RNF115: variants seen among roughly 807,000 people sequenced by gnomAD.
RNF115 encodes ring finger protein 115, also known as E3 ubiquitin-protein ligase RNF115.
Under a neutral mutation model 39.2 loss-of-function variants are expected in RNF115, and 31 were observed. The observed-to-expected ratio is 0.79, with a 90% CI of 0.59 to 1.07. RNF115 has a LOEUF of 1.07. Among genes scored for constraint, RNF115 ranks in the 50% least tolerant of loss-of-function variants. The pLI is 0.00. For synonymous variants in RNF115, 124 were observed against 131.0 expected (o/e 0.95, Z 0.37); for missense variants, 384 against 381.7 (o/e 1.01, Z -0.05).
intron 4 of RNF115, among the ~76,000 whole-genome samples, chr1:145,757,187 T>C (rs1553713295): frequency 6.6e-6 from 1 of 152,154 alleles, no homozygotes; most frequent in Non-Finnish European, 1.5e-5. Context: ...CCCTTCCTGA[T>C]CCAGTGTGAT....
chr1:145,782,796 C>T lies in RNF115; in HGVS notation c.219+1743G>A, dbSNP rs1328120778. ...TGACAATCTGTGTTATCACAAATAG[C>T]ACACACAAGAGGAAAGAATACTGAA... is the stretch of plus-strand genomic sequence containing the variant. On this transcript the variant is annotated intron_variant, in intron 3 of 8. Transcript: ENST00000582693. 2.0e-5 allele frequency among the ~76,000 whole-genome samples: 3 copies of T among 152,208 alleles called. No individual in the cohort carries two copies. In the South Asian group the frequency reaches 6.2e-4, roughly 31 times the overall value.
intron 5 of RNF115, among the ~76,000 whole-genome samples, 163 bp from the exon 6 acceptor site, chr1:145,751,673 C>T (rs587594064): frequency 2.0e-5 from 3 of 152,328 alleles, no homozygotes; most frequent in East Asian, 1.9e-4. Context: ...CAAGATCAAA[C>T]AGACTATCCA....
chr1:145,753,132 T>A lies in RNF115; in HGVS notation c.429-83A>T, dbSNP rs186274722. The A allele has an allele frequency of 1.0e-4, 93 of 904,384 alleles. No homozygotes were observed. In the Admixed American group the frequency reaches 1.6e-3, roughly 16 times the overall value. 56.0% of individuals were successfully genotyped at this position (904,384 alleles called of 1,614,324 possible). A position where few individuals can be genotyped will look rare whatever the true frequency, so the allele number is the denominator to read the frequency against. On this transcript the variant is annotated intron_variant, in intron 4 of 8. Coordinates refer to ENST00000582693, the MANE Select transcript of RNF115 (RefSeq NM_014455.4). ...TATCCATGGCTGCCTAATCACCAAC[T>A]AATTCCCTAAACCAAAATGGCTTTT...
chr1:145,782,884 T>C (rs1340926620), intron 3 of RNF115, among the ~76,000 whole-genome samples: 1 of 152,206 alleles, frequency 6.6e-6, no homozygotes, highest in African/African-American at 2.4e-5. Context: ...TTTTTTGAGA[T>C]GGAGTCTCGC....
At chr1:145,799,390 A>G (rs1649126776) in intron 1 of RNF115, among the ~76,000 whole-genome samples, 8 of 152,078 alleles carry the variant, frequency 5.3e-5, no homozygotes, top group Admixed American at 5.2e-4. Context: ...AAATAAGATC[A>G]TATCATCTGT....
chr1:145,748,101 A>G lies in RNF115; in HGVS notation c.677T>C (p.Leu226Ser), dbSNP rs1553712021. 3 of 1,611,134 alleles carry G rather than the reference A, an allele frequency of 1.9e-6. No homozygotes were observed. The highest frequency in any genetic ancestry group is 1.3e-5 in the African/African-American group (1 of 74,982). The change falls in exon 8 of 9, where the codon TTA becomes TCA. Residue 226 changes from leucine to serine, a missense_variant. Transcript: ENST00000582693. ...ATCTTCTTTGCATACTGGACACTCT[A>G]AACCCATATCTGTTGAAGAAGGAAA... The part of the protein sequence containing the change: ...TVTQEQVDMG[L>S]ECPVCKEDYT...
intron 4 of RNF115, among the ~76,000 whole-genome samples, chr1:145,761,622 G>A (rs181488985): frequency 6.8e-4 from 104 of 152,362 alleles, no homozygotes; most frequent in African/African-American, 2.4e-3. Flanking sequence ...GGAAACACCC[G>A]GATGCCCAGG....
chr1:145,795,546 T>G (rs1648938619), intron 1 of RNF115, among the ~76,000 whole-genome samples: 1 of 152,224 alleles, frequency 6.6e-6, no homozygotes, highest in East Asian at 1.9e-4. Context: ...GGGCACTGAT[T>G]GGCGCATTTA....
intron 1 of RNF115, among the ~76,000 whole-genome samples, chr1:145,789,574 T>A (rs1246751188): frequency 6.6e-6 from 1 of 150,772 alleles, no homozygotes; most frequent in East Asian, 2.0e-4. Flanking sequence ...AATTTTGTAT[T>A]TTTAGGAGAG....
chr1:145,815,829 T>TA (rs1649967289), intron 1 of RNF115, among the ~76,000 whole-genome samples: 1 of 144,934 alleles, frequency 6.9e-6, no homozygotes, highest in African/African-American at 2.5e-5. Flanking sequence ...TCTCTGATTT[T>TA]AAAATCCAAG....
chr1:145,787,238 CAA>C (rs782386379), intron 2 of RNF115, among the ~76,000 whole-genome samples: 3 of 152,134 alleles, frequency 2.0e-5, no homozygotes, highest in Non-Finnish European at 4.4e-5. Context: ...TTTGTTTAGC[CAA>C]AAGAGGCCAT....
At chr1:145,761,621 C>T (rs184444907) in intron 4 of RNF115, among the ~76,000 whole-genome samples, 6 of 152,368 alleles carry the variant, frequency 3.9e-5, no homozygotes, top group Admixed American at 2.6e-4. Flanking sequence ...TGGAAACACC[C>T]GGATGCCCAG....
intron 1 of RNF115, among the ~76,000 whole-genome samples, chr1:145,806,339 C>T (rs1649462891): frequency 6.6e-6 from 1 of 151,796 alleles, no homozygotes; most frequent in Non-Finnish European, 1.5e-5. Context: ...CAGAGGAAGA[C>T]TCCATCTCAA....
rs1657608413 is a variant in RNF115, at chr1:145,738,993, CAG to C, written c.*7871_*7872del. 1 of 154,184 alleles carries C rather than the reference CAG, an allele frequency of 6.5e-6. No homozygotes were observed. The highest frequency in any genetic ancestry group is 6.5e-5 in the Admixed American group (1 of 15,280). The allele number at this position is 154,184 out of a possible 1,614,324, so 9.6% of individuals were successfully genotyped here. A position where few individuals can be genotyped will look rare whatever the true frequency, so the allele number is the denominator to read the frequency against. ...GACTTGGCATGAAAATGAGAAAATG[CAG>C]ACAGACCTCAACATTCAACAACATC... On this transcript the variant is annotated 3_prime_UTR_variant, in exon 9 of 9. Coordinates refer to ENST00000582693, the MANE Select transcript of RNF115 (RefSeq NM_014455.4).
intron 4 of RNF115, 149 bp from the exon 5 acceptor site, chr1:145,753,198 G>A (rs1658162893): frequency 1.7e-6 from 1 of 602,320 alleles, no homozygotes. Context: ...AAATCAGCCT[G>A]CCACACAGCG....
At position 145,748,084 on chromosome 1, in the gene RNF115, T is replaced by G. The variant is rs1168654226; in HGVS notation, c.694A>C (p.Lys232Gln). The G allele has an allele frequency of 1.2e-6, 2 of 1,613,314 alleles. No individual in the cohort carries two copies. The highest frequency in any genetic ancestry group is 3.3e-5 in the Admixed American group (2 of 60,008). ...VDMGLECPVC[K>Q]EDYTVEEEVR... Reference sequence around the variant, plus strand: ...TCCTCTTCAACTGTGTAATCTTCTTTGCATACTGGACACTCTAAACCCATA... The same window carrying G: ...TCCTCTTCAACTGTGTAATCTTCTTGGCATACTGGACACTCTAAACCCATA... The change falls in exon 8 of 9, where the codon AAA becomes CAA. Residue 232 changes from lysine to glutamine, a missense_variant. Coordinates refer to ENST00000582693, the MANE Select transcript of RNF115 (RefSeq NM_014455.4).
At chr1:145,773,260 T>C (rs1456474623) in intron 3 of RNF115, 1 of 152,256 alleles carries the variant, frequency 6.6e-6, no homozygotes, top group East Asian at 1.9e-4. Context: ...GCATATTTTC[T>C]AGATTCTTCA....
intron 2 of RNF115, among the ~76,000 whole-genome samples, chr1:145,788,110 T>C (rs1474734037): frequency 6.6e-6 from 1 of 152,148 alleles, no homozygotes; most frequent in African/African-American, 2.4e-5. Context: ...TTTCTTTTTT[T>C]TGAGACACAG....
rs983855545 is a variant in RNF115, at chr1:145,788,896, C to G, written c.161+12G>C. On this transcript the variant is annotated intron_variant, in intron 2 of 8. Transcript: ENST00000582693. ...ATAGAATGTCTGATTTATTCATGAG[C>G]TTGTACAATACCTGGAATCATCTGT... The G allele has an allele frequency of 5.7e-6, 9 of 1,571,428 alleles. No homozygotes were observed. The highest frequency in any genetic ancestry group is 2.7e-5 in the African/African-American group (2 of 74,116).
Sources: allele counts gnomAD v4.1 joint callset (sites outside exome capture counted in the v4.1 genomes callset), GRCh38; gene constraint gnomAD v4.1.1; transcripts MANE v1.5; gene names NCBI Gene and HGNC (gene_info 2026-07-23, HGNC 2026-07-21).